NRG3: variants seen among roughly 807,000 people sequenced by gnomAD.
The protein encoded by NRG3 is neuregulin 3.
NRG3 carries 31 observed loss-of-function variants against 66.9 expected under a neutral mutation model. The ratio of observed to expected loss-of-function variants is 0.46; its 90% CI spans 0.35 to 0.63. NRG3 has a LOEUF of 0.63. Ranked by LOEUF, NRG3 falls within the 20% of genes least tolerant of loss-of-function variation. The pLI is 0.00. For synonymous variants in NRG3, 393 were observed against 359.4 expected (o/e 1.09, Z -1.06); for missense variants, 910 against 878.9 (o/e 1.04, Z -0.45).
intron 3 of NRG3, among the ~76,000 whole-genome samples, chr10:82,857,987 G>A (rs910225795): frequency 3.9e-5 from 6 of 152,002 alleles, no homozygotes; most frequent in Non-Finnish European, 8.8e-5. Context: ...TTTCTGCCTC[G>A]CTCACCAGGA....
intron 1 of NRG3, among the ~76,000 whole-genome samples, chr10:82,290,993 C>G (rs1398556868): frequency 6.6e-6 from 1 of 152,020 alleles, no homozygotes; most frequent in Non-Finnish European, 1.5e-5. Context: ...CACACACATA[C>G]ACATTATTTT....
At chr10:82,202,928 T>C (rs750310644) in intron 1 of NRG3, among the ~76,000 whole-genome samples, 2 of 152,232 alleles carry the variant, frequency 1.3e-5, no homozygotes, top group African/African-American at 4.8e-5. Context: ...AAAAGCACAT[T>C]TGTGGACAAC....
At chr10:82,364,450 T>G (rs1421817666) in intron 2 of NRG3, among the ~76,000 whole-genome samples, 1 of 152,216 alleles carries the variant, frequency 6.6e-6, no homozygotes, top group African/African-American at 2.4e-5. Flanking sequence ...CAAAATATTC[T>G]GAATAAAATC....
chr10:82,496,962 G>A (rs1402041881), intron 2 of NRG3, among the ~76,000 whole-genome samples: 4 of 152,088 alleles, frequency 2.6e-5, no homozygotes, highest in Admixed American at 6.6e-5. Flanking sequence ...ATATTCTGCT[G>A]AATTAACTTT....
rs868627410 is a variant in NRG3, at chr10:82,706,657, A to G, written c.954-31920A>G. On this transcript the variant is annotated intron_variant, in intron 2 of 8. Transcript: ENST00000372141. ...GAAATGATACATGTATATCAAGTTT[A>G]TTATTTTTGAATATTTTATTCCAGA... 4.3e-4 allele frequency among the ~76,000 whole-genome samples: 66 copies of G among 152,330 alleles called. No individual in the cohort carries two copies. The Middle Eastern group carries it at 0.014, about 31-fold the overall frequency.
intron 1 of NRG3, among the ~76,000 whole-genome samples, chr10:82,009,828 G>A (rs918664707): frequency 3.3e-5 from 5 of 152,278 alleles, no homozygotes; most frequent in South Asian, 2.1e-4. Flanking sequence ...TTTGCCTTGT[G>A]GAAGACTGAC....
intron 2 of NRG3, among the ~76,000 whole-genome samples, chr10:82,373,575 T>G (rs2085027789): frequency 6.6e-6 from 1 of 152,156 alleles, no homozygotes; most frequent in African/African-American, 2.4e-5. Context: ...GCTCCACTGC[T>G]GGAGGAAAAA....
At chr10:82,377,596 A>T (rs1375840890) in intron 2 of NRG3, among the ~76,000 whole-genome samples, 1 of 152,202 alleles carries the variant, frequency 6.6e-6, no homozygotes, top group Non-Finnish European at 1.5e-5. Flanking sequence ...TTGTTTGAGA[A>T]GAGCAGTGAC....
intron 2 of NRG3, among the ~76,000 whole-genome samples, chr10:82,582,991 G>T (rs144385862): frequency 7.2e-5 from 11 of 152,242 alleles, no homozygotes; most frequent in African/African-American, 1.7e-4. Flanking sequence ...AGCAGACTGA[G>T]AATTCAGCAA....
chr10:82,759,192 C>CTG (rs1460370956), intron 3 of NRG3, among the ~76,000 whole-genome samples: 1 of 151,862 alleles, frequency 6.6e-6, no homozygotes, highest in Non-Finnish European at 1.5e-5. Context: ...CTCTCTCTCT[C>CTG]TCTTACTTCC....
intron 2 of NRG3, among the ~76,000 whole-genome samples, chr10:82,404,514 C>T (rs2087354150): frequency 6.6e-6 from 1 of 152,132 alleles, no homozygotes. Context: ...TTTTCTCACT[C>T]CAAATCTTGC....
At chr10:82,390,099 A>C (rs1442972581) in intron 2 of NRG3, among the ~76,000 whole-genome samples, 1 of 152,164 alleles carries the variant, frequency 6.6e-6, no homozygotes, top group African/African-American at 2.4e-5. Flanking sequence ...TTTTTATGGG[A>C]ATAAAACAAG....
chr10:82,502,134 ACT>A (rs1173070259), intron 2 of NRG3, among the ~76,000 whole-genome samples: 2 of 151,866 alleles, frequency 1.3e-5, no homozygotes, highest in Non-Finnish European at 2.9e-5. Context: ...AGTTGACATA[ACT>A]CTGATTGCTT....
At chr10:82,004,912 G>A (rs1404292504) in intron 1 of NRG3, among the ~76,000 whole-genome samples, 1 of 152,174 alleles carries the variant, frequency 6.6e-6, no homozygotes, top group Admixed American at 6.5e-5. Flanking sequence ...TTGAGAAAAT[G>A]AATTGCAGTT....
intron 3 of NRG3, among the ~76,000 whole-genome samples, chr10:82,822,934 A>G (rs886130212): frequency 6.6e-6 from 1 of 152,186 alleles, no homozygotes; most frequent in African/African-American, 2.4e-5. Flanking sequence ...ACTCTCAAGT[A>G]TATAGCGGGG....
At chr10:82,883,648 G>T (rs1842481044) in intron 4 of NRG3, among the ~76,000 whole-genome samples, 1 of 151,830 alleles carries the variant, frequency 6.6e-6, no homozygotes, top group African/African-American at 2.4e-5. Flanking sequence ...AATTATCTTG[G>T]CTTCTCTCTA....
At chr10:81,931,897 T>G (rs558302398) in intron 1 of NRG3, among the ~76,000 whole-genome samples, 1 of 152,168 alleles carries the variant, frequency 6.6e-6, no homozygotes, top group African/African-American at 2.4e-5. Flanking sequence ...ACAATGCCAT[T>G]ACATCTCCCA....
At chr10:82,442,784 ATTTTTTTTTTTTT>A (rs61261285) in intron 2 of NRG3, among the ~76,000 whole-genome samples, 12 of 54,274 alleles carry the variant, frequency 2.2e-4, no homozygotes, top group Admixed American at 9.8e-4. Flanking sequence ...TTCTGTGTGG[ATTTTTTTTTTTTT>A]TTTTTTTTTT....
At chr10:82,697,771 G>A (rs1349286313) in intron 2 of NRG3, among the ~76,000 whole-genome samples, 3 of 152,072 alleles carry the variant, frequency 2.0e-5, no homozygotes, top group African/African-American at 7.2e-5. Context: ...GCTGGTAGCT[G>A]GGTAGGGGCA....
Sources: allele counts gnomAD v4.1 joint callset (sites outside exome capture counted in the v4.1 genomes callset), GRCh38; gene constraint gnomAD v4.1.1; transcripts MANE v1.5; gene names NCBI Gene and HGNC (gene_info 2026-07-23, HGNC 2026-07-21).